The following TJP2 variants were observed in gnomAD, a reference collection of about 807,000 sequenced individuals.
TJP2 encodes Friedreich ataxia region gene X104 (tight junction protein ZO-2).
In TJP2, 91 loss-of-function variants were observed where a neutral mutation model predicts 133.1. The observed-to-expected ratio is 0.68, with a 90% CI of 0.58 to 0.81. The LOEUF (loss-of-function observed/expected upper bound fraction) is 0.81, where lower values mean the gene tolerates loss of function less well. Ranked by LOEUF, TJP2 falls within the 40% of genes least tolerant of loss-of-function variation. The probability of loss-of-function intolerance (pLI) is 0.00; values close to 1 mark genes in which losing one functional copy is unlikely to be tolerated. For missense variants in TJP2, 1,541 were observed against 1,565.6 expected (o/e 0.98, Z 0.26); for synonymous variants, 592 against 583.4 (o/e 1.01, Z -0.21).
upstream of TJP2, among the ~76,000 whole-genome samples, chr9:69,173,643 G>T (rs1824814972): frequency 6.6e-6 from 1 of 152,162 alleles, no homozygotes; most frequent in African/African-American, 2.4e-5. Flanking sequence ...TGAGAAATGT[G>T]GGGTACAAGG....
chr9:69,244,773 AG>A (rs1479079362), intron 17 of TJP2, among the ~76,000 whole-genome samples: 1 of 152,246 alleles, frequency 6.6e-6, no homozygotes, highest in African/African-American at 2.4e-5. Context: ...TATGCAGCTT[AG>A]GAAGTTAGCT....
chr9:69,205,247 C>T, intron 1 of TJP2: 3 of 1,537,264 alleles, frequency 2.0e-6, no homozygotes, highest in Non-Finnish European at 2.6e-6. Flanking sequence ...AGTCCCTCTG[C>T]AAGCTCTCCC....
At chr9:69,199,045 T>C (rs1258327950) in intron 1 of TJP2, among the ~76,000 whole-genome samples, 1 of 152,246 alleles carries the variant, frequency 6.6e-6, no homozygotes, top group African/African-American at 2.4e-5. Context: ...CAAAGTTTTG[T>C]CCAGTAAGCA....
In TJP2 at chr9:69,251,162, C is replaced by T. The variant is rs1831301858; in HGVS notation, c.3119C>T (p.Ala1040Val). The change falls in exon 21 of 23, where the codon GCA becomes GTA. Residue 1040 changes from alanine to valine, a missense_variant. Physicochemically the swap from Ala to Val is moderately conservative, Grantham distance 64. Coordinates refer to ENST00000377245, the MANE Select transcript of TJP2 (RefSeq NM_004817.4). ...ACCAAAGGTTATCCTCCTCCTGTTGCAGCAAAACCTACCTTTGGGCGGTCT... is the reference window on the plus strand; with the variant it reads ...ACCAAAGGTTATCCTCCTCCTGTTGTAGCAAAACCTACCTTTGGGCGGTCT... ...ASTKGYPPPV[A>V]AKPTFGRSIL... The T allele has an allele frequency of 1.9e-6, 3 of 1,614,186 alleles. No homozygotes were observed. The East Asian group carries it at 6.7e-5, about 36-fold the overall frequency.
chr9:69,197,789 G>A (rs950960747), intron 1 of TJP2, among the ~76,000 whole-genome samples: 4 of 152,180 alleles, frequency 2.6e-5, no homozygotes, highest in Non-Finnish European at 4.4e-5. Flanking sequence ...AGCTTGGAGA[G>A]TGTGTAGGGG....
At chr9:69,187,848 G>A (rs144861102) in intron 1 of TJP2, among the ~76,000 whole-genome samples, 2 of 152,288 alleles carry the variant, frequency 1.3e-5, no homozygotes, top group East Asian at 3.9e-4. Context: ...GGGAGAAGGT[G>A]AGTCTCAAAA....
chr9:69,214,221 G>C (rs1160889379), intron 2 of TJP2, among the ~76,000 whole-genome samples: 6 of 152,076 alleles, frequency 3.9e-5, no homozygotes, highest in Non-Finnish European at 1.5e-5. Flanking sequence ...AAGTAGCTGG[G>C]ATTACAGGGG....
intron 2 of TJP2, among the ~76,000 whole-genome samples, chr9:69,160,929 A>T (rs534452391): frequency 5.3e-5 from 8 of 152,282 alleles, no homozygotes; most frequent in African/African-American, 1.9e-4. Flanking sequence ...GGTCCCTCCC[A>T]TACCTTGTGG....
chr9:69,212,385 G>A lies in TJP2; in HGVS notation c.61-163G>A, dbSNP rs562056246. Among the ~76,000 whole-genome samples the A allele has an allele frequency of 7.2e-5, 11 of 152,300 alleles. No homozygotes were observed. The South Asian group carries it at 2.3e-3, about 32-fold the overall frequency. On this transcript the variant is annotated intron_variant, in intron 1 of 22. Coordinates refer to ENST00000377245, the MANE Select transcript of TJP2 (RefSeq NM_004817.4). ...TTTCTAGTTTCATTTCATTGAAGGAGAGTGTGTTTGAAAATAGGTAGCATA... is the reference window on the plus strand; with the variant it reads ...TTTCTAGTTTCATTTCATTGAAGGAAAGTGTGTTTGAAAATAGGTAGCATA...
chr9:69,209,805 A>C (rs2498420), intron 1 of TJP2, among the ~76,000 whole-genome samples: 139,232 of 151,894 alleles, frequency 0.92, 63,832 homozygotes, highest in Middle Eastern at 0.95. Context: ...TCATTAAAAT[A>C]TTGGAAAATT....
rs1822210170 is a variant in TJP2, at chr9:69,122,882, G to A, written c.-131+1157G>A. Among the ~76,000 whole-genome samples the A allele has an allele frequency of 2.0e-5, 3 of 152,164 alleles. No homozygotes were observed. In the South Asian group the frequency reaches 6.2e-4, roughly 32 times the overall value. On this transcript the variant is annotated intron_variant, in intron 1 of 5. Coordinates refer to the TJP2 transcript ENST00000423935. ...TTAAGCCCTTAACCAATCCACTTGA[G>A]AGATACTACCTATCCTCTTCGTTTC... is the stretch of plus-strand genomic sequence containing the variant.
chr9:69,138,118 C>T (rs80093744), intron 1 of TJP2, among the ~76,000 whole-genome samples: 1,724 of 152,310 alleles, frequency 0.011, 35 homozygotes, highest in African/African-American at 0.039. Flanking sequence ...GTTCTCTTCT[C>T]CAAGAGGCAT....
intron 1 of TJP2, among the ~76,000 whole-genome samples, chr9:69,150,350 G>GC (rs1823412841): frequency 6.8e-6 from 1 of 147,418 alleles, no homozygotes; most frequent in Non-Finnish European, 1.5e-5. Context: ...CTGGAATGCA[G>GC]TGGTGAGATC....
chr9:69,221,406 G>A lies in TJP2; in HGVS notation c.862G>A (p.Glu288Lys). ...TCGGGGACCCCGAAGCCGCAGCCGC[G>A]AGCACCCGCACTCACGGAGCCCCAG... Reference protein sequence around the residue: ...RSRGPRSRSREHPHSRSPSPE... With the variant: ...RSRGPRSRSRKHPHSRSPSPE... The change falls in exon 5 of 23, where the codon GAG (glutamate) becomes AAG (lysine). Residue 288 changes from glutamate to lysine, a missense_variant. By Grantham distance (56) the Glu-to-Lys change is moderately conservative (BLOSUM62 1). Transcript: ENST00000377245. 1 of 1,581,764 alleles carries A rather than the reference G, an allele frequency of 6.3e-7. No homozygotes were observed. Among genetic ancestry groups the A allele is most frequent in the Non-Finnish European group, 8.6e-7 (1 of 1,164,370 alleles).
rs149173266 is a variant in TJP2 at position 69,252,278 on chromosome 9, A to G, written c.3322-537A>G. 2.2e-4 allele frequency among the ~76,000 whole-genome samples: 34 copies of G among 152,222 alleles called. 1 individual carries two copies. The East Asian group carries it at 6.2e-3, about 28-fold the overall frequency. ...CCAAAGTGCTAGGATTACAATCATG[A>G]GTCACTGCACCCAGCCTCAACCATT... is the stretch of plus-strand genomic sequence containing the variant. On this transcript the variant is annotated intron_variant, in intron 21 of 22. Coordinates refer to ENST00000377245, the MANE Select transcript of TJP2 (RefSeq NM_004817.4).
At chr9:69,173,346 TTAAAA>T (rs777186659), upstream of TJP2, among the ~76,000 whole-genome samples, 7 of 152,194 alleles carry the variant, frequency 4.6e-5, no homozygotes, top group Non-Finnish European at 7.3e-5. Flanking sequence ...TTATATGCTC[TTAAAA>T]TAAAGACACT....
At chr9:69,205,212 G>C in intron 1 of TJP2, 2 of 1,537,262 alleles carry the variant, frequency 1.3e-6, no homozygotes, top group South Asian at 2.4e-5. Context: ...CTGTTAAAAA[G>C]TTGAGGAGAT....
At chr9:69,167,354 G>T (rs1417202830) in intron 2 of TJP2, among the ~76,000 whole-genome samples, 1 of 152,088 alleles carries the variant, frequency 6.6e-6, no homozygotes, top group Non-Finnish European at 1.5e-5. Context: ...TATATGTCTG[G>T]AATGTTCACC....
At chr9:69,253,079 A>G in intron 22 of TJP2, 179 bp downstream of exon 22, 1 of 641,776 alleles carries the variant, frequency 1.6e-6, no homozygotes, top group Non-Finnish European at 2.8e-6. Flanking sequence ...GTCAAAACTT[A>G]AGCATAGTTT....
Sources: gnomAD v4.1 joint callset for allele counts (sites outside exome capture counted in the v4.1 genomes callset) on GRCh38, gnomAD v4.1.1 for gene constraint, MANE v1.5 for transcripts, NCBI Gene and HGNC (gene_info 2026-07-23, HGNC 2026-07-21) for gene names.